MFHAS1: variants seen among roughly 807,000 people sequenced by gnomAD.
MFHAS1 encodes multifunctional ROCO family signaling regulator 1, also known as malignant fibrous histiocytoma-amplified sequence 1.
In MFHAS1, 50 loss-of-function variants were observed where a neutral mutation model predicts 70.4. The ratio of observed to expected loss-of-function variants is 0.71; its 90% CI spans 0.57 to 0.90. The LOEUF is 0.90. Ranked by LOEUF, MFHAS1 falls within the 40% of genes least tolerant of loss-of-function variation. MFHAS1 has a pLI of 0.00. For synonymous variants in MFHAS1, 952 were observed against 620.0 expected, an observed-to-expected ratio of 1.54 and a Z score of -7.96; for missense variants, 1,795 against 1,347.6, an observed-to-expected ratio of 1.33 and a Z score of -5.20.
At chr8:8,862,587 C>T (rs962819852) in intron 1 of MFHAS1, among the ~76,000 whole-genome samples, 2 of 152,016 alleles carry the variant, frequency 1.3e-5, no homozygotes, top group African/African-American at 4.8e-5. Context: ...AGGTGATGAA[C>T]AGGCAGAGCT....
At chr8:8,800,402 T>A (rs1040431237) in intron 1 of MFHAS1, among the ~76,000 whole-genome samples, 1 of 152,190 alleles carries the variant, frequency 6.6e-6, no homozygotes, top group Non-Finnish European at 1.5e-5. Context: ...AGTAATAAAA[T>A]GAACCCAAGT....
chr8:8,866,503 A>T (rs1035062338), intron 1 of MFHAS1, among the ~76,000 whole-genome samples: 2 of 151,962 alleles, frequency 1.3e-5, no homozygotes. Flanking sequence ...TTTTTTGTAG[A>T]AATGGGGTTT....
At chr8:8,813,603 G>GA (rs1563185372) in intron 1 of MFHAS1, among the ~76,000 whole-genome samples, 1 of 151,974 alleles carries the variant, frequency 6.6e-6, no homozygotes, top group Non-Finnish European at 1.5e-5. Context: ...AATTTAAATA[G>GA]AAAAAACTCA....
intron 2 of MFHAS1, among the ~76,000 whole-genome samples, chr8:8,788,390 T>C (rs1056871365): frequency 1.4e-4 from 21 of 152,146 alleles, no homozygotes; most frequent in African/African-American, 4.6e-4. Context: ...TAAAAAGTAC[T>C]GAGGAGAGCC....
intron 1 of MFHAS1, among the ~76,000 whole-genome samples, chr8:8,870,687 C>A (rs866781485): frequency 2.6e-5 from 4 of 152,238 alleles, no homozygotes; most frequent in African/African-American, 9.6e-5. Context: ...CCGCAGGCCT[C>A]TCCGAGCCCC....
chr8:8,887,581 G>C (rs1357438454), intron 1 of MFHAS1, among the ~76,000 whole-genome samples: 1 of 149,536 alleles, frequency 6.7e-6, no homozygotes, highest in Non-Finnish European at 1.5e-5. Context: ...ATAATTATAT[G>C]TATATGTATA....
intron 1 of MFHAS1, among the ~76,000 whole-genome samples, chr8:8,883,480 G>T (rs1370187659): frequency 6.6e-6 from 1 of 151,704 alleles, no homozygotes; most frequent in Non-Finnish European, 1.5e-5. Context: ...AGCCAAGGTG[G>T]GTGGATCACG....
In MFHAS1 at chr8:8,891,339, T is replaced by C; in HGVS notation, c.1720A>G (p.Lys574Glu). The C allele has an allele frequency of 6.2e-7, 1 of 1,611,182 alleles. No individual in the cohort carries two copies. Among genetic ancestry groups the C allele is most frequent in the South Asian group, 1.1e-5 (1 of 91,082 alleles). ...CGGGCCAGTGCCTCGTCCACCACCT[T>C]GGCCAAGCGGCTCAGTCCCTCCGCG... ...HDAEGLSRLA[K>E]VVDEALARDF... is the part of the protein sequence containing the mutation. Residue 574 changes from lysine (K) to glutamate (E), a missense_variant, in exon 1 of 3, where the codon AAG becomes GAG. Coordinates refer to ENST00000276282, the MANE Select transcript of MFHAS1 (RefSeq NM_004225.3). The surrounding 1 kb of genome is among the most constrained non-coding windows in gnomAD (Gnocchi z 5.4).
At chr8:8,800,460 A>T (rs1355518834) in intron 1 of MFHAS1, among the ~76,000 whole-genome samples, 1 of 152,208 alleles carries the variant, frequency 6.6e-6, no homozygotes, top group Non-Finnish European at 1.5e-5. Flanking sequence ...TCCAGTCCAA[A>T]CATCAACTAG....
intron 1 of MFHAS1, among the ~76,000 whole-genome samples, chr8:8,801,543 G>A (rs1806084959): frequency 6.6e-6 from 1 of 152,204 alleles, no homozygotes; most frequent in Non-Finnish European, 1.5e-5. Flanking sequence ...ACAGTTCCTA[G>A]ATTAAGAACA....
At chr8:8,817,605 G>A (rs555029468) in intron 1 of MFHAS1, among the ~76,000 whole-genome samples, 25 of 152,302 alleles carry the variant, frequency 1.6e-4, no homozygotes, top group African/African-American at 3.8e-4. Context: ...GGGGGCTCTC[G>A]CCCCTCCTGT....
chr8:8,834,956 G>A (rs1807543996), intron 1 of MFHAS1, among the ~76,000 whole-genome samples: 1 of 152,164 alleles, frequency 6.6e-6, no homozygotes, highest in Non-Finnish European at 1.5e-5. Context: ...AATGGAACTG[G>A]TAGGTATCCC....
chr8:8,806,951 ACT>A, intron 1 of MFHAS1, among the ~76,000 whole-genome samples: 2 of 151,266 alleles, frequency 1.3e-5, no homozygotes, highest in Admixed American at 1.3e-4. Context: ...ACACAGCCAG[ACT>A]CTGTCTCAAA....
In MFHAS1 at chr8:8,890,705, A is replaced by T; in HGVS notation, c.2354T>A (p.Leu785His). The T allele has an allele frequency of 6.2e-7, 1 of 1,613,630 alleles. No homozygotes were observed. Residue 785 changes from leucine (L) to histidine (H), a missense_variant, in exon 1 of 3, where the codon CTC becomes CAC. Transcript: ENST00000276282. ...CAGAAAGCCCTCCACATACTGATGG[A>T]GCTGGGTGGCCCGGAGCAGTTCCTG... Reference protein sequence around the residue: ...PSQELLRATQLHQYVEGFLLH... With the variant: ...PSQELLRATQHHQYVEGFLLH...
At position 8,881,361 on chromosome 8, in the gene MFHAS1, T is replaced by G. The variant is rs1485521834; in HGVS notation, c.2998+8700A>C. On this transcript the variant is annotated intron_variant, in intron 1 of 2. Coordinates refer to ENST00000276282, the MANE Select transcript of MFHAS1 (RefSeq NM_004225.3). ...TGTTATCCACGCAGCCACCATCATA[T>G]AGAGTACACATGCAATCATCTCTGC... Among the ~76,000 whole-genome samples, 5 of 152,340 alleles carry G rather than the reference T, an allele frequency of 3.3e-5. No homozygotes were observed. The South Asian group carries it at 1.0e-3, about 32-fold the overall frequency.
intron 1 of MFHAS1, among the ~76,000 whole-genome samples, chr8:8,815,259 T>C (rs1249162888): frequency 6.6e-6 from 1 of 152,220 alleles, no homozygotes; most frequent in South Asian, 2.1e-4. Flanking sequence ...CTTTATCCAG[T>C]CTATCATTGA....
chr8:8,844,903 T>C (rs1807971026), intron 1 of MFHAS1, among the ~76,000 whole-genome samples: 1 of 152,168 alleles, frequency 6.6e-6, no homozygotes. Flanking sequence ...TGCTGTATTT[T>C]CAAGAAGAAG....
At chr8:8,883,722 A>AAAAG (rs1456074864) in intron 1 of MFHAS1, among the ~76,000 whole-genome samples, 1 of 149,820 alleles carries the variant, frequency 6.7e-6, no homozygotes, top group African/African-American at 2.5e-5. Flanking sequence ...AAAAAAAAAA[A>AAAAG]AAAAAAAAAG....
In MFHAS1 at chr8:8,800,619, C is replaced by T. The variant is rs549641930; in HGVS notation, c.2999-3128G>A. ...GCACCCCAGTCTCTTAACACTCTTA[C>T]TTCTGAGACTGCCCTCACCTAGCTC... On this transcript the variant is annotated intron_variant, in intron 1 of 2. Transcript: ENST00000276282. Among the ~76,000 whole-genome samples the T allele has an allele frequency of 1.1e-4, 17 of 152,334 alleles. No individual in the cohort carries two copies. The East Asian group carries it at 3.3e-3, about 29-fold the overall frequency.
Sources: allele counts gnomAD v4.1 joint callset (sites outside exome capture counted in the v4.1 genomes callset), GRCh38; gene constraint gnomAD v4.1.1; non-coding constraint Gnocchi (gnomAD v3.1); transcripts MANE v1.5; gene names NCBI Gene and HGNC (gene_info 2026-07-23, HGNC 2026-07-21).